The following MARCHF10 variants were observed in gnomAD, a reference collection of about 807,000 sequenced individuals.
MARCHF10 encodes probable E3 ubiquitin-protein ligase MARCHF10.
In MARCHF10, 64 loss-of-function variants were observed where a neutral mutation model predicts 76.2. The ratio of observed to expected loss-of-function variants is 0.84; its 90% CI spans 0.69 to 1.03. The LOEUF (loss-of-function observed/expected upper bound fraction) is 1.03, where lower values mean the gene tolerates loss of function less well. MARCHF10 is among the 50% of genes least tolerant of loss of function. The pLI, the probability that MARCHF10 is intolerant of heterozygous loss-of-function variation, is 0.00. For missense variants in MARCHF10, 875 were observed against 958.0 expected (o/e 0.91, Z 1.14); for synonymous variants, 340 against 357.5 (o/e 0.95, Z 0.55).
intron 3 of MARCHF10, among the ~76,000 whole-genome samples, chr17:62,786,233 G>A (rs1477603176): frequency 6.6e-6 from 1 of 152,104 alleles, no homozygotes; most frequent in Admixed American, 6.6e-5. Flanking sequence ...TCCTTTGCAG[G>A]GACATGGATG....
At position 62,701,543 on chromosome 17, in the gene MARCHF10, C is replaced by A; in HGVS notation, c.*160G>T. 6.6e-7 allele frequency: 1 copy of A among 1,508,068 alleles called. No individual in the cohort carries two copies. The highest frequency in any genetic ancestry group is 1.4e-5 in the African/African-American group (1 of 72,824). 93.4% of individuals were successfully genotyped at this position (1,508,068 alleles called of 1,614,324 possible). A position where few individuals can be genotyped will look rare whatever the true frequency, so the allele number is the denominator to read the frequency against. ...GTCGCTGTGGCTGCCCATAGATGCT[C>A]AAGCCAGACCCCAAAAGAGAGTGGC... On this transcript the variant is annotated 3_prime_UTR_variant, in exon 11 of 11. Coordinates refer to ENST00000311269, the MANE Select transcript of MARCHF10 (RefSeq NM_152598.4).
chr17:62,726,633 G>T (rs111385609), intron 6 of MARCHF10, among the ~76,000 whole-genome samples: 2 of 151,400 alleles, frequency 1.3e-5, no homozygotes, highest in South Asian at 2.1e-4. Flanking sequence ...ATTATTTTTT[G>T]TTGTTGTTGT....
intron 3 of MARCHF10, among the ~76,000 whole-genome samples, chr17:62,779,104 T>C (rs570190727): frequency 6.6e-6 from 1 of 152,294 alleles, no homozygotes; most frequent in South Asian, 2.1e-4. Context: ...AGCTGCGTTC[T>C]TACCCAGTGC....
intron 2 of MARCHF10, among the ~76,000 whole-genome samples, chr17:62,792,774 A>ACCACCACCACCTCCACTG (rs2092878913): frequency 8.1e-6 from 1 of 123,600 alleles, no homozygotes; most frequent in African/African-American, 3.4e-5. Flanking sequence ...CTCCATCACT[A>ACCACCACCACCTCCACTG]CCACCACCAC....
chr17:62,786,263 T>C (rs925398799), intron 3 of MARCHF10, among the ~76,000 whole-genome samples: 12 of 151,944 alleles, frequency 7.9e-5, no homozygotes, highest in African/African-American at 2.9e-4. Context: ...ACCATCATTC[T>C]GAGCAAACTA....
intron 6 of MARCHF10, among the ~76,000 whole-genome samples, chr17:62,730,352 G>A (rs1438924809): frequency 6.6e-6 from 1 of 152,180 alleles, no homozygotes; most frequent in African/African-American, 2.4e-5. Flanking sequence ...AAATTAGTAA[G>A]GAAAGGATAG....
chr17:62,756,117 G>T (rs1353925148), intron 4 of MARCHF10, among the ~76,000 whole-genome samples: 1 of 152,076 alleles, frequency 6.6e-6, no homozygotes, highest in Admixed American at 6.6e-5. Flanking sequence ...GCATGGTGGC[G>T]CATGTCTGTA....
intron 4 of MARCHF10, among the ~76,000 whole-genome samples, chr17:62,756,141 G>A (rs896541212): frequency 7.2e-5 from 11 of 152,140 alleles, no homozygotes; most frequent in Admixed American, 5.9e-4. Context: ...CCAGCTACTC[G>A]GGAGGCTGAG....
At chr17:62,717,546 G>A (rs550245478) in intron 8 of MARCHF10, among the ~76,000 whole-genome samples, 13 of 152,230 alleles carry the variant, frequency 8.5e-5, no homozygotes, top group Non-Finnish European at 1.3e-4. Context: ...CTGGCTTCCC[G>A]TTGGGTTTGG....
intron 2 of MARCHF10, among the ~76,000 whole-genome samples, chr17:62,792,367 T>C (rs2092859084): frequency 6.6e-6 from 1 of 152,050 alleles, no homozygotes; most frequent in South Asian, 2.1e-4. Context: ...TTTCCTCATC[T>C]GTAAGAGGAA....
intron 1 of MARCHF10, among the ~76,000 whole-genome samples, chr17:62,805,918 T>A (rs3034622): frequency 0.41 from 35,056 of 85,998 alleles, 4,591 homozygotes; most frequent in East Asian, 0.52. Context: ...TAAAAAAAAA[T>A]AATAATAATA....
intron 3 of MARCHF10, among the ~76,000 whole-genome samples, chr17:62,773,336 C>G (rs1021566815): frequency 6.6e-6 from 1 of 152,152 alleles, no homozygotes; most frequent in African/African-American, 2.4e-5. Flanking sequence ...AAGAGACCCG[C>G]TGCGTGCAGA....
intron 5 of MARCHF10, chr17:62,737,615 G>A: frequency 2.3e-6 from 1 of 433,826 alleles, no homozygotes; most frequent in Non-Finnish European, 4.1e-6. Flanking sequence ...CCCAGCCCCA[G>A]CCAGTCAGGA....
chr17:62,775,533 C>T (rs182797813), intron 3 of MARCHF10, among the ~76,000 whole-genome samples: 3 of 151,558 alleles, frequency 2.0e-5, no homozygotes, highest in Admixed American at 1.3e-4. Context: ...TTATTAATTA[C>T]CATCCCCATG....
rs2089938207 is a variant in MARCHF10 at position 62,711,682 on chromosome 17, C to A, written c.2215-338G>T. The stretch of plus-strand genomic sequence containing the variant: ...GAACACAGGGCAAAAAGCCTCAGAA[C>A]TCCCTGCTGGGAACCGATCACCTGG... On this transcript the variant is annotated intron_variant, in intron 8 of 10. Transcript: ENST00000311269. This position sits in a 1 kb window ranked among gnomAD's most constrained non-coding sequence, Gnocchi z 4.4. Among the ~76,000 whole-genome samples the A allele has an allele frequency of 6.6e-6, 1 of 152,240 alleles. No homozygotes were observed. Among genetic ancestry groups the A allele is most frequent in the Admixed American group, 6.5e-5 (1 of 15,290 alleles).
chr17:62,717,581 C>T (rs2090276298), intron 8 of MARCHF10, among the ~76,000 whole-genome samples: 1 of 152,194 alleles, frequency 6.6e-6, no homozygotes, highest in Non-Finnish European at 1.5e-5. Context: ...CGGCAGGAGA[C>T]CCGAGGGCGG....
At chr17:62,804,360 G>A (rs2093128923) in intron 1 of MARCHF10, among the ~76,000 whole-genome samples, 1 of 152,106 alleles carries the variant, frequency 6.6e-6, no homozygotes, top group Non-Finnish European at 1.5e-5. Context: ...AAGGAAGAAT[G>A]GGAACGAAAA....
At chr17:62,710,516 T>C (rs1006237831) in intron 9 of MARCHF10, among the ~76,000 whole-genome samples, 9 of 143,630 alleles carry the variant, frequency 6.3e-5, no homozygotes, top group African/African-American at 2.3e-4. Flanking sequence ...AAAAAAAAAA[T>C]CTAGGTTTCT....
chr17:62,799,107 G>A (rs537722598), intron 2 of MARCHF10, among the ~76,000 whole-genome samples: 8 of 152,198 alleles, frequency 5.3e-5, no homozygotes, highest in East Asian at 1.9e-4. Context: ...GTTTAAAATC[G>A]TGATGATAAC....
Sources: allele counts gnomAD v4.1 joint callset (sites outside exome capture counted in the v4.1 genomes callset), GRCh38; gene constraint gnomAD v4.1.1; non-coding constraint Gnocchi (gnomAD v3.1); transcripts MANE v1.5; gene names NCBI Gene and HGNC (gene_info 2026-07-23, HGNC 2026-07-21).